RSPRY1: variants seen among roughly 807,000 people sequenced by gnomAD.
RSPRY1 encodes ring finger and SPRY domain containing 1.
In RSPRY1, 23 loss-of-function variants were observed where a neutral mutation model predicts 73.1. That is an observed-to-expected ratio of 0.31 (90% CI 0.23 to 0.45). RSPRY1 has a LOEUF of 0.45. Ranked by LOEUF, RSPRY1 falls within the 20% of genes least tolerant of loss-of-function variation. The pLI, the probability that RSPRY1 is intolerant of heterozygous loss-of-function variation, is 1.00. For missense variants in RSPRY1, 448 were observed against 698.7 expected (o/e 0.64, Z 4.05); for synonymous variants, 226 against 251.4 (o/e 0.90, Z 0.95).
intron 1 of RSPRY1, among the ~76,000 whole-genome samples, chr16:57,202,878 TTATATATATATATA>T (rs55701001): frequency 4.6e-4 from 61 of 131,634 alleles, no homozygotes; most frequent in African/African-American, 1.5e-3. Flanking sequence ...TTACATATGA[TTATATATATATATA>T]TATATATATA....
chr16:57,220,121 AGGTTTTTT>A (rs1452227981), intron 8 of RSPRY1: 1 of 152,166 alleles, frequency 6.6e-6, no homozygotes, highest in Non-Finnish European at 1.5e-5. Context: ...GCTGAGGGTC[AGGTTTTTT>A]GCTATTCTGG....
In RSPRY1 at chr16:57,201,442, C is replaced by T. The variant is rs1197517628; in HGVS notation, c.-155-3062C>T. On this transcript the variant is annotated intron_variant, in intron 1 of 14. Transcript: ENST00000394420. The stretch of plus-strand genomic sequence containing the variant: ...GCTCCTCACTTCCTAGATGGGATGG[C>T]GGCCGGGCAGAGACGCTCCTCACTT... Among the ~76,000 whole-genome samples, 6 of 150,472 alleles carry T rather than the reference C, an allele frequency of 4.0e-5. No individual in the cohort carries two copies. In the East Asian group the frequency reaches 1.2e-3, roughly 29 times the overall value.
At chr16:57,199,079 G>A (rs952229479) in intron 1 of RSPRY1, among the ~76,000 whole-genome samples, 1 of 152,194 alleles carries the variant, frequency 6.6e-6, no homozygotes, top group Non-Finnish European at 1.5e-5. Context: ...ATAATACAGA[G>A]TATGAATTTC....
At chr16:57,218,968 C>A (rs2074990294) in intron 8 of RSPRY1, among the ~76,000 whole-genome samples, 1 of 122,946 alleles carries the variant, frequency 8.1e-6, no homozygotes, top group Non-Finnish European at 1.7e-5. Flanking sequence ...GATCTCCTGA[C>A]CTCGTGATCC....
At chr16:57,230,005 C>CTTTTTTTT (rs544045998) in intron 11 of RSPRY1, among the ~76,000 whole-genome samples, 1 of 44,954 alleles carries the variant, frequency 2.2e-5, no homozygotes, top group Non-Finnish European at 4.1e-5. Flanking sequence ...ACGCCCTGCC[C>CTTTTTTTT]TTTTTTTTTT....
chr16:57,205,306 T>G, intron 2 of RSPRY1: 1 of 323,730 alleles, frequency 3.1e-6, no homozygotes, highest in Non-Finnish European at 5.9e-6. Context: ...TGTTGCTAGC[T>G]ACAATAGGAA....
chr16:57,206,312 C>T (rs966528069), intron 2 of RSPRY1, among the ~76,000 whole-genome samples: 22 of 152,126 alleles, frequency 1.4e-4, no homozygotes, highest in Admixed American at 1.2e-3. Flanking sequence ...ATTCTAAGAC[C>T]GGAGTACTGC....
At chr16:57,237,617 A>G (rs964775990) in intron 14 of RSPRY1, among the ~76,000 whole-genome samples, 3 of 152,248 alleles carry the variant, frequency 2.0e-5, no homozygotes, top group Non-Finnish European at 4.4e-5. Context: ...ATAGGAATGG[A>G]TGGATACTTC....
intron 4 of RSPRY1, among the ~76,000 whole-genome samples, chr16:57,211,712 C>T (rs948636635): frequency 7.2e-5 from 11 of 151,984 alleles, no homozygotes; most frequent in Non-Finnish European, 1.6e-4. Flanking sequence ...TTTACAGAGT[C>T]CTTTTTTTTT....
intron 1 of RSPRY1, among the ~76,000 whole-genome samples, chr16:57,200,511 C>G (rs1469667439): frequency 6.8e-6 from 1 of 146,098 alleles, no homozygotes; most frequent in Non-Finnish European, 1.5e-5. Flanking sequence ...ACCTCCCAGA[C>G]GGGGTGGCTG....
chr16:57,201,726 G>A (rs1171121014), intron 1 of RSPRY1, among the ~76,000 whole-genome samples: 4 of 152,230 alleles, frequency 2.6e-5, no homozygotes, highest in African/African-American at 9.6e-5. Flanking sequence ...GGAGGCCAAG[G>A]CTGGCGGATC....
chr16:57,196,146 G>A (rs924549793), intron 1 of RSPRY1, among the ~76,000 whole-genome samples: 4 of 151,252 alleles, frequency 2.6e-5, no homozygotes, highest in African/African-American at 9.8e-5. Flanking sequence ...CTTAAGCAGC[G>A]TATCATTTAG....
intron 1 of RSPRY1, among the ~76,000 whole-genome samples, chr16:57,192,839 TC>T (rs1462846520): frequency 4.6e-4 from 70 of 151,280 alleles, no homozygotes; most frequent in African/African-American, 1.6e-3. Flanking sequence ...CCACTGCCCT[TC>T]CCAGTAGCTG....
intron 11 of RSPRY1, among the ~76,000 whole-genome samples, chr16:57,229,287 ATTTG>A (rs2075169581): frequency 6.6e-6 from 1 of 152,072 alleles, no homozygotes; most frequent in African/African-American, 2.4e-5. Flanking sequence ...TGACAGACAA[ATTTG>A]TTTATCTCAT....
In RSPRY1 at chr16:57,240,228, C is replaced by T. The variant is rs2075357336; in HGVS notation, c.*1253C>T. The stretch of plus-strand genomic sequence containing the variant: ...ACATTTTTTTTTCTTCTTTTTCCAC[C>T]CCTTCTTGTTTGTAGTTCATTATAC... On this transcript the variant is annotated 3_prime_UTR_variant, in exon 15 of 15. Transcript: ENST00000394420. 6.6e-6 allele frequency: 1 copy of T among 151,624 alleles called. No homozygotes were observed. Among genetic ancestry groups the T allele is most frequent in the South Asian group, 2.1e-4 (1 of 4,806 alleles). 9.4% of individuals were successfully genotyped at this position (151,624 alleles called of 1,614,324 possible). A position where few individuals can be genotyped will look rare whatever the true frequency, so the allele number is the denominator to read the frequency against.
At chr16:57,187,179 G>A (rs1297842176) in intron 1 of RSPRY1, 4 of 152,218 alleles carry the variant, frequency 2.6e-5, no homozygotes, top group Admixed American at 2.0e-4. Flanking sequence ...AGATCGACCA[G>A]GTGTCCCAGA....
chr16:57,197,739 C>T (rs2074477331), intron 1 of RSPRY1, among the ~76,000 whole-genome samples: 1 of 151,628 alleles, frequency 6.6e-6, no homozygotes, highest in Non-Finnish European at 1.5e-5. Context: ...TTTTGTTTTC[C>T]CAAAGACAGG....
intron 10 of RSPRY1, among the ~76,000 whole-genome samples, chr16:57,223,284 T>A (rs2075068079): frequency 1.3e-5 from 2 of 152,342 alleles, no homozygotes; most frequent in Admixed American, 1.3e-4. Context: ...CTCTGCATAG[T>A]GCCTCTTACT....
chr16:57,208,092 C>A lies in RSPRY1; in HGVS notation c.385C>A (p.His129Asn), dbSNP rs1397729470. ...QEPPYSMITL[H>N]EMAETDEGWL... ...ACCTCCCTATTCAATGATAACATTA[C>A]ACGAAATGGCAGAAACAGGTATTTT... Residue 129 changes from histidine to asparagine, a missense_variant, in exon 3 of 15, where the codon CAC becomes AAC. Transcript: ENST00000394420. 3 of 1,594,030 alleles carry A rather than the reference C, an allele frequency of 1.9e-6. No individual in the cohort carries two copies. The highest frequency in any genetic ancestry group is 2.6e-6 in the Non-Finnish European group (3 of 1,167,688).
Sources: allele counts gnomAD v4.1 joint callset (sites outside exome capture counted in the v4.1 genomes callset), GRCh38; gene constraint gnomAD v4.1.1; transcripts MANE v1.5; gene names NCBI Gene and HGNC (gene_info 2026-07-23, HGNC 2026-07-21).